STPG2: variants seen among roughly 807,000 people sequenced by gnomAD.
STPG2 encodes sperm-tail PG-rich repeat-containing protein 2.
Under a neutral mutation model 54.2 loss-of-function variants are expected in STPG2, and 56 were observed. That is an observed-to-expected ratio of 1.03 (90% confidence interval 0.83 to 1.29). The LOEUF is 1.29. Among genes scored for constraint, STPG2 ranks in the 50% most tolerant of loss-of-function variants. The pLI is 0.00. For missense variants in STPG2, 596 were observed against 544.9 expected (o/e 1.09, Z -0.93); for synonymous variants, 200 against 181.8 (o/e 1.10, Z -0.81).
intron 5 of STPG2, among the ~76,000 whole-genome samples, chr4:98,067,721 A>G (rs1237781923): frequency 6.6e-6 from 1 of 152,190 alleles, no homozygotes; most frequent in Non-Finnish European, 1.5e-5. Context: ...GATAGGGCTA[A>G]TATGTTTTTT....
intron 5 of STPG2, among the ~76,000 whole-genome samples, chr4:98,074,966 T>C (rs1258960801): frequency 6.6e-6 from 1 of 152,336 alleles, no homozygotes. Context: ...CTCTGAATTA[T>C]GTTATCTACC....
intron 4 of STPG2, among the ~76,000 whole-genome samples, chr4:97,501,386 A>G (rs1730722205): frequency 6.6e-6 from 1 of 151,960 alleles, no homozygotes; most frequent in South Asian, 2.1e-4. Flanking sequence ...AAAGAAGGAT[A>G]AGGTTAGAGG....
At chr4:97,452,338 G>A (rs1396044952) in intron 4 of STPG2, among the ~76,000 whole-genome samples, 1 of 152,116 alleles carries the variant, frequency 6.6e-6, no homozygotes, top group African/African-American at 2.4e-5. Flanking sequence ...TAAAGGACAG[G>A]TGGAGACAGA....
intron 7 of STPG2, among the ~76,000 whole-genome samples, chr4:97,955,378 C>T (rs939420665): frequency 6.6e-6 from 1 of 151,938 alleles, no homozygotes; most frequent in South Asian, 2.1e-4. Flanking sequence ...CCATGCCTGG[C>T]TAATTTTTTT....
chr4:97,600,760 T>C (rs1733437611), intron 10 of STPG2, among the ~76,000 whole-genome samples: 1 of 152,060 alleles, frequency 6.6e-6, no homozygotes, highest in Admixed American at 6.6e-5. Flanking sequence ...GCGCAATAGT[T>C]TTATATAGAC....
At chr4:97,988,752 T>C in intron 5 of STPG2, among the ~76,000 whole-genome samples, 1 of 152,158 alleles carries the variant, frequency 6.6e-6, no homozygotes, top group Non-Finnish European at 1.5e-5. Flanking sequence ...ACCACAGGCA[T>C]GCGCCACCAG....
chr4:97,957,344 C>T (rs562637782), intron 7 of STPG2, among the ~76,000 whole-genome samples: 3 of 151,178 alleles, frequency 2.0e-5, no homozygotes, highest in Non-Finnish European at 4.4e-5. Flanking sequence ...AGCTTGAAGA[C>T]AATGTTTTTT....
At chr4:98,120,885 T>C (rs982979510) in intron 3 of STPG2, among the ~76,000 whole-genome samples, 3 of 152,258 alleles carry the variant, frequency 2.0e-5, no homozygotes, top group Non-Finnish European at 4.4e-5. Context: ...AAGTTTCTTT[T>C]GCTGTGCAGC....
chr4:98,088,615 T>C (rs760817502), intron 5 of STPG2, among the ~76,000 whole-genome samples: 1 of 143,968 alleles, frequency 6.9e-6, no homozygotes, highest in Non-Finnish European at 1.5e-5. Context: ...TAGCAAACGG[T>C]AAATAATATA....
intron 4 of STPG2, among the ~76,000 whole-genome samples, chr4:97,522,570 T>C (rs1281647266): frequency 6.6e-6 from 1 of 151,974 alleles, no homozygotes; most frequent in African/African-American, 2.4e-5. Flanking sequence ...ACTTTTAGGG[T>C]CATTAGTGGG....
At chr4:97,492,671 A>G (rs937244449) in intron 4 of STPG2, among the ~76,000 whole-genome samples, 1 of 150,580 alleles carries the variant, frequency 6.6e-6, no homozygotes, top group African/African-American at 2.4e-5. Flanking sequence ...ATTTGTGAGG[A>G]GAAATTTGGG....
At chr4:97,528,741 A>AT (rs1179893176) in intron 4 of STPG2, among the ~76,000 whole-genome samples, 1 of 151,946 alleles carries the variant, frequency 6.6e-6, no homozygotes, top group African/African-American at 2.4e-5. Context: ...ATTCCTAGGT[A>AT]TTTTATTCTC....
At chr4:97,539,446 A>C (rs1039917321) in intron 4 of STPG2, among the ~76,000 whole-genome samples, 2 of 152,224 alleles carry the variant, frequency 1.3e-5, no homozygotes, top group Non-Finnish European at 2.9e-5. Flanking sequence ...GAGACAAAGA[A>C]GGCCATTACA....
intron 10 of STPG2, among the ~76,000 whole-genome samples, chr4:97,615,189 C>A (rs959782530): frequency 2.2e-4 from 33 of 152,126 alleles, no homozygotes; most frequent in African/African-American, 7.7e-4. Flanking sequence ...TTGAAAGGGT[C>A]TCTTTTTAAA....
chr4:97,722,842 G>C (rs1485833826), intron 9 of STPG2, among the ~76,000 whole-genome samples: 1 of 143,478 alleles, frequency 7.0e-6, no homozygotes, highest in Non-Finnish European at 1.5e-5. Context: ...CTGTCGCCCC[G>C]GCTGGAGTGC....
intron 8 of STPG2, among the ~76,000 whole-genome samples, chr4:97,907,452 T>C (rs1400615622): frequency 6.6e-6 from 1 of 152,050 alleles, no homozygotes; most frequent in African/African-American, 2.4e-5. Flanking sequence ...CCAAGGTAAT[T>C]TACAGATTCA....
intron 9 of STPG2, among the ~76,000 whole-genome samples, chr4:97,723,559 A>G (rs972488819): frequency 2.0e-5 from 3 of 152,184 alleles, no homozygotes; most frequent in Non-Finnish European, 4.4e-5. Flanking sequence ...TCTTTAATCC[A>G]TATAGATTCC....
chr4:97,980,590 C>T (rs1268341073), intron 6 of STPG2, among the ~76,000 whole-genome samples: 1 of 152,112 alleles, frequency 6.6e-6, no homozygotes, highest in African/African-American at 2.4e-5. Context: ...AATAACAGAC[C>T]CATCTGAGCC....
chr4:97,489,221 A>G (rs762448874), intron 4 of STPG2, among the ~76,000 whole-genome samples: 6 of 151,684 alleles, frequency 4.0e-5, no homozygotes, highest in Admixed American at 1.3e-4. Flanking sequence ...TTGGAACTAT[A>G]AGTCCATTAG....
Sources: allele counts gnomAD v4.1 joint callset (sites outside exome capture counted in the v4.1 genomes callset), GRCh38; gene constraint gnomAD v4.1.1; transcripts MANE v1.5; gene names NCBI Gene and HGNC (gene_info 2026-07-23, HGNC 2026-07-21).